The following PCDHA4 variants were observed in gnomAD, a reference collection of about 807,000 sequenced individuals.
The protein encoded by PCDHA4 is protocadherin alpha-4.
A neutral mutation model predicts 61.4 loss-of-function variants in PCDHA4; 49 were observed. The ratio of observed to expected loss-of-function variants is 0.80; its 90% CI spans 0.63 to 1.01. The LOEUF is 1.01. Among genes scored for constraint, PCDHA4 ranks in the 50% least tolerant of loss-of-function variants. The pLI is 0.00. For missense variants in PCDHA4, 1,254 were observed against 1,235.8 expected (o/e 1.01, Z -0.22); for synonymous variants, 590 against 550.3 (o/e 1.07, Z -1.01).
intron 1 of PCDHA4, among the ~76,000 whole-genome samples, chr5:140,888,848 CAG>C (rs1554183676): frequency 6.6e-6 from 1 of 151,980 alleles, no homozygotes; most frequent in African/African-American, 2.4e-5. Context: ...AGCCTGGTGA[CAG>C]AGTGAGACCA....
At chr5:140,927,956 C>G in intron 1 of PCDHA4, 1 of 1,614,224 alleles carries the variant, frequency 6.2e-7, no homozygotes. Flanking sequence ...GACGCTGCCC[C>G]TGGCACAGTG....
chr5:140,853,354 A>G (rs1391288948), intron 1 of PCDHA4: 1 of 982,096 alleles, frequency 1.0e-6, no homozygotes, highest in African/African-American at 1.8e-5. Flanking sequence ...ACATGAACTC[A>G]CAGGGATCCA....
At chr5:140,843,923 C>T (rs1779144561) in intron 1 of PCDHA4, 1 of 599,994 alleles carries the variant, frequency 1.7e-6, no homozygotes, top group Non-Finnish European at 2.9e-6. Context: ...TATCTTGAAA[C>T]TCAAGTTATG....
chr5:140,850,875 G>A lies in PCDHA4; in HGVS notation c.2385+41303G>A, dbSNP rs201934627. 18 of 1,590,472 alleles carry A rather than the reference G, an allele frequency of 1.1e-5. 3 individuals carry two copies. The highest frequency in any genetic ancestry group is 1.5e-5 in the Non-Finnish European group (18 of 1,162,510). ...AACGGGAGAACCCTCTGCTTCCTCAGATTCAACTGGGAAGGTGGGTTTTTC... is the reference window on the plus strand; with the variant it reads ...AACGGGAGAACCCTCTGCTTCCTCAAATTCAACTGGGAAGGTGGGTTTTTC... On this transcript the variant is annotated intron_variant, in intron 1 of 3. Transcript: ENST00000530339.
intron 1 of PCDHA4, chr5:140,827,833 A>G (rs1769423756): frequency 4.6e-6 from 2 of 432,110 alleles, no homozygotes; most frequent in Non-Finnish European, 8.0e-6. Context: ...AAAGTAGAGA[A>G]AAGAAGATAC....
chr5:140,992,017 CTGTGTGTGTGTG>C (rs10602499), intron 3 of PCDHA4, among the ~76,000 whole-genome samples: 3 of 145,512 alleles, frequency 2.1e-5, no homozygotes, highest in South Asian at 2.2e-4. Flanking sequence ...AGAGGTGGCT[CTGTGTGTGTGTG>C]TGTGTGTGTG....
At chr5:140,864,300 T>C (rs889692315) in intron 1 of PCDHA4, 9 of 152,214 alleles carry the variant, frequency 5.9e-5, no homozygotes, top group Non-Finnish European at 1.2e-4. Flanking sequence ...TATTCAAAAA[T>C]ACCATGACAA....
intron 1 of PCDHA4, chr5:140,967,162 C>T (rs782524334): frequency 1.9e-6 from 3 of 1,610,776 alleles, no homozygotes; most frequent in Non-Finnish European, 2.5e-6. Context: ...TGGCGGTGAG[C>T]GCCGTTGAGG....
intron 2 of PCDHA4, among the ~76,000 whole-genome samples, chr5:140,980,721 A>G (rs1219290542): frequency 3.9e-5 from 6 of 152,202 alleles, no homozygotes; most frequent in African/African-American, 1.2e-4. Flanking sequence ...TTCGGGTTTC[A>G]ATTAAGATAT....
intron 1 of PCDHA4, among the ~76,000 whole-genome samples, chr5:140,974,338 A>G (rs1554235945): frequency 6.6e-6 from 1 of 152,212 alleles, no homozygotes; most frequent in Non-Finnish European, 1.5e-5. Flanking sequence ...CTAGCAGGCT[A>G]TGCATCCAGA....
chr5:140,890,409 A>G (rs1554184285), intron 1 of PCDHA4, among the ~76,000 whole-genome samples: 1 of 152,174 alleles, frequency 6.6e-6, no homozygotes, highest in Non-Finnish European at 1.5e-5. Context: ...TTTAACTTGA[A>G]TATTTATTTA....
intron 1 of PCDHA4, among the ~76,000 whole-genome samples, chr5:140,903,298 A>G (rs1218115864): frequency 6.6e-6 from 1 of 152,170 alleles, no homozygotes; most frequent in Non-Finnish European, 1.5e-5. Context: ...TAGGAAATTT[A>G]GTATACAATA....
chr5:140,966,427 C>T (rs2096001144), intron 1 of PCDHA4: 1 of 421,646 alleles, frequency 2.4e-6, no homozygotes, highest in African/African-American at 2.1e-5. Context: ...CTTGCTGAGC[C>T]CTCCTACCGC....
chr5:140,910,869 C>T (rs2153516135), intron 1 of PCDHA4, among the ~76,000 whole-genome samples: 1 of 152,264 alleles, frequency 6.6e-6, no homozygotes, highest in Non-Finnish European at 1.5e-5. Context: ...CCACCATTAT[C>T]CCACACCCTT....
chr5:140,926,358 A>C (rs1157995876), intron 1 of PCDHA4: 1 of 152,230 alleles, frequency 6.6e-6, no homozygotes, highest in Non-Finnish European at 1.5e-5. Context: ...CGGCTCCCAA[A>C]GGGCGGCAGG....
Position 141,000,418 on chromosome 5 carries a change from TA to T in PCDHA4, c.2534-9208del, listed in dbSNP as rs1328416600. 5.1e-3 allele frequency among the ~76,000 whole-genome samples: 429 copies of T among 83,548 alleles called. 3 individuals carry two copies. The highest frequency in any genetic ancestry group is 6.3e-3 in the Non-Finnish European group (284 of 45,190). 54.8% of individuals were successfully genotyped at this position (83,548 alleles called of 152,430 possible). A position where few individuals can be genotyped will look rare whatever the true frequency, so the allele number is the denominator to read the frequency against. ...CTCTATATATATATATATATATATA[TA>T]TATTTTTTTTTTTTTTTTTTTTTTT... On this transcript the variant is annotated intron_variant, in intron 3 of 3. Transcript: ENST00000530339.
At chr5:140,849,522 G>A in intron 1 of PCDHA4, 2 of 1,597,478 alleles carry the variant, frequency 1.3e-6, no homozygotes, top group Middle Eastern at 1.7e-4. Context: ...AGTTGTGGAT[G>A]TAAATGACAA....
At chr5:140,810,535 G>A (rs1054108701) in intron 1 of PCDHA4, 1 of 152,134 alleles carries the variant, frequency 6.6e-6, no homozygotes, top group Non-Finnish European at 1.5e-5. Flanking sequence ...GGTGACTTTT[G>A]TAATCTCATT....
rs782623559 is a variant in PCDHA4 at position 141,009,752 on chromosome 5, A to G, written c.2659A>G (p.Ile887Val). The G allele has an allele frequency of 3.1e-6, 5 of 1,614,086 alleles. No homozygotes were observed. Among genetic ancestry groups the G allele is most frequent in the East Asian group, 4.5e-5 (2 of 44,882 alleles). The change falls in exon 4 of 4, where the codon ATC becomes GTC. Residue 887 changes from isoleucine (I) to valine (V), a missense_variant. Physicochemically the swap from Ile to Val is conservative, Grantham distance 29. Transcript: ENST00000530339. ...CGGTGAGTTGCCCGACAAATTCATT[A>G]TCCCAGGATCTCCTGCAATCATCTC... ...GPGELPDKFIIPGSPAIISIR... is the reference protein window; with the variant it reads ...GPGELPDKFIVPGSPAIISIR...
Sources: gnomAD v4.1 joint callset for allele counts (sites outside exome capture counted in the v4.1 genomes callset) on GRCh38, gnomAD v4.1.1 for gene constraint, MANE v1.5 for transcripts, NCBI Gene and HGNC (gene_info 2026-07-23, HGNC 2026-07-21) for gene names.